The following ZNF292 variants were observed in gnomAD, a reference collection of about 807,000 sequenced individuals.
ZNF292 encodes the protein 16 zinc-finger domain protein.
A neutral mutation model predicts 217.9 loss-of-function variants in ZNF292; 26 were observed. The observed-to-expected ratio is 0.12, with a 90% CI of 0.09 to 0.17. ZNF292 has a LOEUF of 0.17. Among genes scored for constraint, ZNF292 ranks in the 10% least tolerant of loss-of-function variants. ZNF292 has a pLI of 1.00. For missense variants in ZNF292, 2,904 were observed against 3,175.2 expected, an observed-to-expected ratio of 0.91 and a Z score of 2.05; for synonymous variants, 1,257 against 1,124.1, an observed-to-expected ratio of 1.12 and a Z score of -2.37.
In ZNF292 at chr6:87,258,863, A is replaced by G. The variant is rs1201474059; in HGVS notation, c.5234A>G (p.Gln1745Arg). The change falls in exon 8 of 8, where the codon CAG becomes CGG. Residue 1745 changes from glutamine (Q) to arginine (R), a missense_variant. By Grantham distance (43) the Gln-to-Arg change is conservative. Coordinates refer to ENST00000369577, the MANE Select transcript of ZNF292 (RefSeq NM_015021.3). The stretch of plus-strand genomic sequence containing the variant: ...ACAACTTCAATAAATTCTGATTTGC[A>G]GATTTCTGAAGACAATGTTATACAA... ...SCTTSINSDL[Q>R]ISEDNVIQNF... The G allele has an allele frequency of 1.9e-6, 3 of 1,608,962 alleles. No homozygotes were observed. The African/African-American group carries it at 4.0e-5, about 21-fold the overall frequency.
At chr6:87,203,930 T>A (rs1030501676) in intron 1 of ZNF292, among the ~76,000 whole-genome samples, 1 of 152,092 alleles carries the variant, frequency 6.6e-6, no homozygotes, top group African/African-American at 2.4e-5. Flanking sequence ...AGTCAAAGCC[T>A]AAGCAGAGTG....
At chr6:87,157,687 A>T (rs940843259) in intron 1 of ZNF292, among the ~76,000 whole-genome samples, 2 of 151,690 alleles carry the variant, frequency 1.3e-5, no homozygotes, top group African/African-American at 4.8e-5. Context: ...AAAGATTTTT[A>T]TTTATTTATT....
chr6:87,170,361 C>T (rs780777732), intron 1 of ZNF292: 2 of 152,246 alleles, frequency 1.3e-5, no homozygotes, highest in Non-Finnish European at 2.9e-5. Context: ...TTTATATCCT[C>T]AAACTGACCA....
chr6:87,258,729 T>A lies in ZNF292; in HGVS notation c.5100T>A (p.Thr1700=), dbSNP rs1268796922. 6.2e-7 allele frequency: 1 copy of A among 1,613,452 alleles called. No homozygotes were observed. Among genetic ancestry groups the A allele is most frequent in the East Asian group, 2.2e-5 (1 of 44,862 alleles). The change falls in exon 8 of 8, where the codon ACT becomes ACA. Residue 1700 remains threonine (T), a synonymous_variant. Transcript: ENST00000369577. ...LNNVNNQLFM[T]DVKENFKTSL... is the part of the protein sequence containing the mutation. ...ATGTTAACAATCAGTTATTTATGAC[T>A]GATGTAAAAGAGAATTTCAAAACCA... is the stretch of plus-strand genomic sequence containing the variant.
intron 1 of ZNF292, among the ~76,000 whole-genome samples, chr6:87,194,565 C>G (rs914029837): frequency 1.3e-5 from 2 of 151,862 alleles, no homozygotes; most frequent in Admixed American, 1.3e-4. Context: ...TCTGTAGCAC[C>G]AAATTTGAAA....
chr6:87,210,198 A>G (rs1051456091), intron 1 of ZNF292, among the ~76,000 whole-genome samples: 9 of 152,170 alleles, frequency 5.9e-5, no homozygotes, highest in Admixed American at 3.3e-4. Context: ...TTAAGAGCCA[A>G]ATTGTTAAAG....
rs1775151630 is a variant in ZNF292, at chr6:87,255,365, A to T, written c.1736A>T (p.Asn579Ile). ...YSCPICAKNF[N>I]SKETFVPHVT... is the part of the protein sequence containing the mutation. The stretch of plus-strand genomic sequence containing the variant: ...TGCCCCATATGTGCAAAGAACTTTA[A>T]TTCTAAAGAAACTTTTGTCCCTCAT... The change falls in exon 8 of 8, where the codon AAT (asparagine) becomes ATT (isoleucine). Residue 579 changes from asparagine to isoleucine, a missense_variant. Coordinates refer to ENST00000369577, the MANE Select transcript of ZNF292 (RefSeq NM_015021.3). The T allele has an allele frequency of 6.2e-7, 1 of 1,613,758 alleles. No homozygotes were observed. The highest frequency in any genetic ancestry group is 8.5e-7 in the Non-Finnish European group (1 of 1,179,818).
In ZNF292 at chr6:87,183,784, A is replaced by T. The variant is rs540676899; in HGVS notation, c.168+28025A>T. On this transcript the variant is annotated intron_variant, in intron 1 of 7. Coordinates refer to ENST00000369577, the MANE Select transcript of ZNF292 (RefSeq NM_015021.3). ...ATTATTCATAAAGAAATAGGTCACA[A>T]AGTGAAATGTGTAAATACATATCAC... Among the ~76,000 whole-genome samples, 6 of 152,332 alleles carry T rather than the reference A, an allele frequency of 3.9e-5. 2 individuals carry two copies. The highest frequency in any genetic ancestry group is 1.2e-4 in the African/African-American group (5 of 41,580).
intron 6 of ZNF292, among the ~76,000 whole-genome samples, chr6:87,243,901 A>G (rs985063052): frequency 1.3e-5 from 2 of 152,220 alleles, no homozygotes; most frequent in African/African-American, 4.8e-5. Flanking sequence ...TAATGCCACC[A>G]TAACATTTTT....
intron 1 of ZNF292, among the ~76,000 whole-genome samples, chr6:87,192,512 T>C (rs1014281518): frequency 1.3e-5 from 2 of 152,134 alleles, no homozygotes; most frequent in Admixed American, 6.5e-5. Context: ...TTTACGTTTT[T>C]TATCATGGAC....
intron 1 of ZNF292, among the ~76,000 whole-genome samples, chr6:87,213,398 G>A (rs1035289962): frequency 8.5e-5 from 13 of 152,274 alleles, no homozygotes; most frequent in African/African-American, 2.9e-4. Flanking sequence ...GACCACACCC[G>A]GACAGGGGAG....
At chr6:87,235,752 TC>T (rs757884863) in intron 5 of ZNF292, among the ~76,000 whole-genome samples, 5 of 151,716 alleles carry the variant, frequency 3.3e-5, no homozygotes, top group Non-Finnish European at 7.4e-5. Context: ...ACTATTTCCC[TC>T]CCCCCCACTT....
intron 1 of ZNF292, among the ~76,000 whole-genome samples, chr6:87,167,062 G>A (rs1179185883): frequency 6.6e-6 from 1 of 152,128 alleles, no homozygotes; most frequent in Non-Finnish European, 1.5e-5. Context: ...TCCTGAAATA[G>A]GTTATACTGT....
intron 1 of ZNF292, among the ~76,000 whole-genome samples, chr6:87,212,014 G>A (rs1424231700): frequency 2.6e-5 from 4 of 152,138 alleles, no homozygotes; most frequent in Non-Finnish European, 5.9e-5. Context: ...GATGCCAGTC[G>A]CAAGTACCAG....
intron 4 of ZNF292, among the ~76,000 whole-genome samples, chr6:87,229,102 T>A (rs1209994211): frequency 6.6e-6 from 1 of 152,230 alleles, no homozygotes; most frequent in Non-Finnish European, 1.5e-5. Context: ...CAATGTTTTA[T>A]AATCTTTAGT....
chr6:87,245,984 G>A (rs1774558384), intron 7 of ZNF292, among the ~76,000 whole-genome samples: 1 of 152,224 alleles, frequency 6.6e-6, no homozygotes, highest in Non-Finnish European at 1.5e-5. Flanking sequence ...TGTAATCCCA[G>A]CACTTTGGGA....
intron 3 of ZNF292, among the ~76,000 whole-genome samples, chr6:87,217,633 A>G (rs1772856528): frequency 6.6e-6 from 1 of 152,108 alleles, no homozygotes; most frequent in Admixed American, 6.5e-5. Flanking sequence ...TCTTTTTGAA[A>G]CAAAAGGACT....
At chr6:87,207,101 G>A (rs947691457) in intron 1 of ZNF292, among the ~76,000 whole-genome samples, 3 of 152,166 alleles carry the variant, frequency 2.0e-5, no homozygotes, top group Non-Finnish European at 4.4e-5. Context: ...TTTGATTTGC[G>A]TGCGCATGTG....
chr6:87,261,394 A>T lies in ZNF292; in HGVS notation c.7765A>T (p.Met2589Leu). Residue 2589 changes from methionine (M) to leucine (L), a missense_variant, in exon 8 of 8, where the codon ATG (methionine) becomes TTG (leucine). Physicochemically the swap from Met to Leu is conservative, Grantham distance 15. Coordinates refer to ENST00000369577, the MANE Select transcript of ZNF292 (RefSeq NM_015021.3). ...TTTTGACTGGAGCTCTTTTAAGCCA[A>T]TGGGATTTGAAGTATCATTTCTGAA... is the stretch of plus-strand genomic sequence containing the variant. ...ASFDWSSFKPMGFEVSFLKFL... is the reference protein window; with the variant it reads ...ASFDWSSFKPLGFEVSFLKFL... 1 of 1,612,526 alleles carries T rather than the reference A, an allele frequency of 6.2e-7. No homozygotes were observed. The highest frequency in any genetic ancestry group is 1.1e-5 in the South Asian group (1 of 90,890).
Sources: gnomAD v4.1 joint callset for allele counts (sites outside exome capture counted in the v4.1 genomes callset) on GRCh38, gnomAD v4.1.1 for gene constraint, MANE v1.5 for transcripts, NCBI Gene and HGNC (gene_info 2026-07-23, HGNC 2026-07-21) for gene names.